Variants in ANKRD6 observed in about 807,000 individuals in gnomAD.
ANKRD6 encodes ankyrin repeat domain 6, also known as ankyrin repeat domain-containing protein 6.
In ANKRD6, 56 loss-of-function variants were observed where a neutral mutation model predicts 82.3. The observed-to-expected ratio is 0.68, with a 90% CI of 0.55 to 0.85. The LOEUF is 0.85. Among genes scored for constraint, ANKRD6 ranks in the 40% least tolerant of loss-of-function variants. The probability of loss-of-function intolerance (pLI) is 0.00; values close to 1 mark genes in which losing one functional copy is unlikely to be tolerated. For synonymous variants in ANKRD6, 347 were observed against 352.1 expected, an observed-to-expected ratio of 0.99 and a Z score of 0.16; for missense variants, 852 against 907.6, an observed-to-expected ratio of 0.94 and a Z score of 0.79.
intron 1 of ANKRD6, among the ~76,000 whole-genome samples, chr6:89,543,489 T>C (rs999459577): frequency 6.6e-6 from 1 of 152,216 alleles, no homozygotes; most frequent in African/African-American, 2.4e-5. Flanking sequence ...ACCACCATTT[T>C]AGATCCTGTG....
intron 1 of ANKRD6, chr6:89,483,305 C>T (rs1777002595): frequency 6.6e-6 from 1 of 152,348 alleles, no homozygotes; most frequent in Non-Finnish European, 1.5e-5. Context: ...GGATTCAAGG[C>T]TCCTTAGAGA....
At chr6:89,579,794 CA>C (rs1792089322) in intron 2 of ANKRD6, among the ~76,000 whole-genome samples, 1 of 129,674 alleles carries the variant, frequency 7.7e-6, no homozygotes, top group African/African-American at 2.8e-5. Context: ...AATGAGATGA[CA>C]AAGTGTCTCA....
chr6:89,623,346 C>G, intron 10 of ANKRD6, 64 bp from the exon 11 acceptor site: 1 of 1,534,600 alleles, frequency 6.5e-7, no homozygotes, highest in African/African-American at 1.4e-5. Flanking sequence ...GAATATTTGA[C>G]CATATTAGTG....
intron 2 of ANKRD6, among the ~76,000 whole-genome samples, chr6:89,592,631 A>G (rs942484583): frequency 4.6e-5 from 7 of 152,152 alleles, no homozygotes; most frequent in African/African-American, 1.7e-4. Flanking sequence ...AACCTGTCCT[A>G]GTCCATTTGG....
At chr6:89,462,865 G>GTTTT (rs751083567) in intron 1 of ANKRD6, among the ~76,000 whole-genome samples, 2 of 127,506 alleles carry the variant, frequency 1.6e-5, no homozygotes, top group Non-Finnish European at 3.4e-5. Flanking sequence ...TGAGTTTTTA[G>GTTTT]TTTTTTTTTT....
At chr6:89,490,243 C>T (rs375719137) in intron 1 of ANKRD6, among the ~76,000 whole-genome samples, 1 of 152,304 alleles carries the variant, frequency 6.6e-6, no homozygotes, top group East Asian at 1.9e-4. Flanking sequence ...AGTGATTTTT[C>T]GGCTGTGGTT....
At chr6:89,603,984 A>G (rs1797899700) in intron 4 of ANKRD6, among the ~76,000 whole-genome samples, 1 of 152,248 alleles carries the variant, frequency 6.6e-6, no homozygotes. Flanking sequence ...CCTGGACGAC[A>G]GAGTGAGACC....
At chr6:89,453,755 TA>T (rs1165342646) in intron 1 of ANKRD6, among the ~76,000 whole-genome samples, 3 of 148,880 alleles carry the variant, frequency 2.0e-5, no homozygotes, top group African/African-American at 7.4e-5. Context: ...TTGTATTTTT[TA>T]TTTATTTATT....
intron 10 of ANKRD6, 116 bp from the exon 11 acceptor site, chr6:89,623,294 C>A: frequency 7.4e-7 from 1 of 1,343,234 alleles, no homozygotes; most frequent in Non-Finnish European, 9.9e-7. Flanking sequence ...ATGTTATTTG[C>A]AAAGGTTCTC....
intron 14 of ANKRD6, chr6:89,628,879 C>A: frequency 2.0e-6 from 1 of 504,472 alleles, no homozygotes; most frequent in Admixed American, 3.3e-5. Flanking sequence ...ACACAAACAC[C>A]TCCCATGAGG....
chr6:89,493,543 G>A (rs1778255227), intron 1 of ANKRD6, among the ~76,000 whole-genome samples: 1 of 152,072 alleles, frequency 6.6e-6, no homozygotes, highest in South Asian at 2.1e-4. Flanking sequence ...CTGAGTAGCT[G>A]GGACTACAGG....
At chr6:89,485,426 CA>C (rs1439314084) in intron 1 of ANKRD6, among the ~76,000 whole-genome samples, 1 of 152,208 alleles carries the variant, frequency 6.6e-6, no homozygotes, top group Non-Finnish European at 1.5e-5. Flanking sequence ...AAAGCAGGTG[CA>C]GAGCTGGACC....
At chr6:89,499,779 C>A (rs1779058093) in intron 1 of ANKRD6, among the ~76,000 whole-genome samples, 1 of 152,128 alleles carries the variant, frequency 6.6e-6, no homozygotes, top group South Asian at 2.1e-4. Flanking sequence ...ACCTAAACAC[C>A]CTCACGGTCC....
chr6:89,533,362 G>A (rs1783421271), intron 1 of ANKRD6, among the ~76,000 whole-genome samples: 1 of 152,126 alleles, frequency 6.6e-6, no homozygotes, highest in Non-Finnish European at 1.5e-5. Context: ...AATAATGAGT[G>A]TAACCATGGA....
intron 1 of ANKRD6, among the ~76,000 whole-genome samples, chr6:89,550,415 A>C (rs759164002): frequency 3.9e-5 from 6 of 152,222 alleles, no homozygotes; most frequent in Non-Finnish European, 7.3e-5. Flanking sequence ...TGAGTGAAAG[A>C]AGCCAGATGG....
chr6:89,573,087 A>G (rs1562875549), intron 2 of ANKRD6, among the ~76,000 whole-genome samples: 1 of 152,078 alleles, frequency 6.6e-6, no homozygotes, highest in African/African-American at 2.4e-5. Flanking sequence ...CAGCCTCCTG[A>G]GTAGCTGGGA....
intron 2 of ANKRD6, among the ~76,000 whole-genome samples, chr6:89,593,578 G>A (rs1022147204): frequency 6.6e-6 from 1 of 152,184 alleles, no homozygotes; most frequent in African/African-American, 2.4e-5. Context: ...ATTTCATGGG[G>A]AGAAATTAAG....
intron 2 of ANKRD6, among the ~76,000 whole-genome samples, chr6:89,577,576 G>A (rs1791406555): frequency 6.6e-6 from 1 of 152,172 alleles, no homozygotes; most frequent in Non-Finnish European, 1.5e-5. Flanking sequence ...GCCTCTAGGA[G>A]TCCCCAGGCA....
chr6:89,587,802 A>G (rs1321675455), intron 2 of ANKRD6, among the ~76,000 whole-genome samples: 1 of 152,252 alleles, frequency 6.6e-6, no homozygotes, highest in Non-Finnish European at 1.5e-5. Flanking sequence ...TCTGATTAAG[A>G]TATGATGTGT....
Sources: gnomAD v4.1 joint callset for allele counts (sites outside exome capture counted in the v4.1 genomes callset) on GRCh38, gnomAD v4.1.1 for gene constraint, MANE v1.5 for transcripts, NCBI Gene and HGNC (gene_info 2026-07-23, HGNC 2026-07-21) for gene names.